The following CEP164 variants were observed in gnomAD, a reference collection of about 807,000 sequenced individuals.
CEP164 encodes the protein centrosomal protein of 164 kDa.
CEP164 carries 162 observed loss-of-function variants against 182.7 expected under a neutral mutation model. That is an observed-to-expected ratio of 0.89 (90% CI 0.78 to 1.01). CEP164 has a LOEUF of 1.01. CEP164 is among the 50% of genes least tolerant of loss of function. CEP164 has a pLI of 0.00. For synonymous variants in CEP164, 661 were observed against 690.0 expected (o/e 0.96, Z 0.66); for missense variants, 1,735 against 1,790.4 (o/e 0.97, Z 0.56).
At position 117,396,088 on chromosome 11, in the gene CEP164, C is replaced by G; in HGVS notation, c.3124C>G (p.Leu1042Val). The G allele has an allele frequency of 6.2e-7, 1 of 1,613,760 alleles. No homozygotes were observed. The highest frequency in any genetic ancestry group is 8.5e-7 in the Non-Finnish European group (1 of 1,179,762). The change falls in exon 25 of 33, where the codon CTG (leucine) becomes GTG (valine). Residue 1042 changes from leucine (L) to valine (V), a missense_variant. Leu to Val is a conservative substitution (Grantham distance 32). Coordinates refer to ENST00000278935, the MANE Select transcript of CEP164 (RefSeq NM_014956.5). ...LEAEAQKKQH[L>V]LREVTVEENN... ...GGCTGAAGCTCAAAAGAAGCAGCAC[C>G]TGTTGAGAGAAGTGACAGTTGAGGA...
At chr11:117,372,095 C>T (rs1457532008) in intron 9 of CEP164, among the ~76,000 whole-genome samples, 9 of 142,842 alleles carry the variant, frequency 6.3e-5, no homozygotes, top group Admixed American at 2.9e-4. Context: ...CCCACCTCAT[C>T]ATAGTTCAGG....
intron 3 of CEP164, among the ~76,000 whole-genome samples, chr11:117,342,484 CT>C (rs919790713): frequency 1.3e-5 from 2 of 148,254 alleles, no homozygotes; most frequent in Admixed American, 1.4e-4. Flanking sequence ...TGAGATAGCT[CT>C]TTTTTTTTTG....
chr11:117,381,977 G>T, intron 13 of CEP164, 109 bp downstream of exon 13: 1 of 850,052 alleles, frequency 1.2e-6, no homozygotes, highest in Non-Finnish European at 1.7e-6. Flanking sequence ...TTGGCTTGGG[G>T]AGGGAGTGGG....
At chr11:117,400,681 C>T (rs1416695388) in intron 27 of CEP164, among the ~76,000 whole-genome samples, 7 of 152,238 alleles carry the variant, frequency 4.6e-5, no homozygotes, top group African/African-American at 1.4e-4. Context: ...GTTTGTAGTT[C>T]CCCTTGAAGA....
chr11:117,326,379 T>C (rs2035448888), upstream of CEP164, among the ~76,000 whole-genome samples: 1 of 152,014 alleles, frequency 6.6e-6, no homozygotes, highest in African/African-American at 2.4e-5. Flanking sequence ...ACTACAGGCG[T>C]GTGCCACCAT....
intron 27 of CEP164, among the ~76,000 whole-genome samples, chr11:117,400,133 T>C (rs556766103): frequency 2.6e-5 from 4 of 152,374 alleles, no homozygotes; most frequent in Non-Finnish European, 5.9e-5. Context: ...TACATTTAAG[T>C]CTTTAATCCA....
rs538147155 is a variant in CEP164, at chr11:117,394,093, G to T, written c.2617-257G>T. On this transcript the variant is annotated intron_variant, in intron 20 of 32. Transcript: ENST00000278935. The surrounding 1 kb of genome is among the most constrained non-coding windows in gnomAD (Gnocchi z 4.0). ...TACAGAGGAAAAGTTGTATATGGTG[G>T]AGCCATAGGGAGAGCCAGAAAGGGA... Among the ~76,000 whole-genome samples, 8 of 152,230 alleles carry T rather than the reference G, an allele frequency of 5.3e-5. No individual in the cohort carries two copies. The highest frequency in any genetic ancestry group is 8.8e-5 in the Non-Finnish European group (6 of 68,040).
At chr11:117,334,488 A>G (rs529662265) in intron 1 of CEP164, among the ~76,000 whole-genome samples, 1 of 152,302 alleles carries the variant, frequency 6.6e-6, no homozygotes, top group African/African-American at 2.4e-5. Flanking sequence ...CCTGATCTTT[A>G]AGTAGTTAAA....
At chr11:117,366,543 T>C (rs2041656961) in intron 8 of CEP164, among the ~76,000 whole-genome samples, 1 of 152,168 alleles carries the variant, frequency 6.6e-6, no homozygotes, top group African/African-American at 2.4e-5. Context: ...GCAGACTTTA[T>C]GTGGCCATGT....
intron 7 of CEP164, 36 bp downstream of exon 7, chr11:117,362,574 T>C: frequency 6.3e-7 from 1 of 1,579,374 alleles, no homozygotes; most frequent in South Asian, 1.1e-5. Flanking sequence ...CTGGAAACCC[T>C]CTGTGCCATA....
At chr11:117,358,567 A>C (rs1026346771) in intron 5 of CEP164, among the ~76,000 whole-genome samples, 4 of 140,516 alleles carry the variant, frequency 2.8e-5, no homozygotes, top group African/African-American at 1.1e-4. Flanking sequence ...TTAAGAGACC[A>C]GAGTTTTGCT....
chr11:117,329,492 C>T (rs2035851235), intron 1 of CEP164, among the ~76,000 whole-genome samples: 1 of 152,208 alleles, frequency 6.6e-6, no homozygotes. Flanking sequence ...TGGATACTTA[C>T]ATATTCTGCT....
rs889926633 is a variant in CEP164 at position 117,394,077 on chromosome 11, A to T, written c.2617-273A>T. 6.6e-6 allele frequency among the ~76,000 whole-genome samples: 1 copy of T among 152,254 alleles called. No individual in the cohort carries two copies. Among genetic ancestry groups the T allele is most frequent in the East Asian group, 1.9e-4 (1 of 5,200 alleles). Reference sequence around the variant, plus strand: ...GTGACCTCTCATTCCTTACAGAGGAAAAGTTGTATATGGTGGAGCCATAGG... The same window carrying T: ...GTGACCTCTCATTCCTTACAGAGGATAAGTTGTATATGGTGGAGCCATAGG... On this transcript the variant is annotated intron_variant, in intron 20 of 32. Transcript: ENST00000278935. This position sits in a 1 kb window ranked among gnomAD's most constrained non-coding sequence, Gnocchi z 4.0.
intron 3 of CEP164, among the ~76,000 whole-genome samples, chr11:117,341,953 A>C (rs1350641409): frequency 6.7e-6 from 1 of 150,026 alleles, no homozygotes; most frequent in East Asian, 2.0e-4. Context: ...ATGGAGTTTC[A>C]CTCTTGTTGC....
At position 117,371,066 on chromosome 11, in the gene CEP164, C is replaced by T; in HGVS notation, c.766-14C>T. The T allele has an allele frequency of 6.4e-7, 1 of 1,554,536 alleles. No homozygotes were observed. ...CTTTTGTCTTCCTTTCTAACATGGT[C>T]TGTTGCTCCCTAGGAGTCTCTGAGA... On this transcript the variant is annotated splice_polypyrimidine_tract_variant and intron_variant, in intron 8 of 32. Coordinates refer to ENST00000278935, the MANE Select transcript of CEP164 (RefSeq NM_014956.5).
rs2047425562 is a variant in CEP164 at position 117,412,083 on chromosome 11, C to T, written c.4298C>T (p.Ser1433Leu). ...CACCTTGTGGCCAGACCTCTCTTCT[C>T]GTCAACACCCAAGCCAAAAGCTACT... Reference protein sequence around the residue: ...VKNDPRLPLFSSTPKPKATLS... With the variant: ...VKNDPRLPLFLSTPKPKATLS... The change falls in exon 33 of 33, where the codon TCG becomes TTG. Residue 1433 changes from serine to leucine, a missense_variant. Physicochemically the swap from Ser to Leu is moderately radical, Grantham distance 145. Coordinates refer to ENST00000278935, the MANE Select transcript of CEP164 (RefSeq NM_014956.5). 4 of 1,614,136 alleles carry T rather than the reference C, an allele frequency of 2.5e-6. No individual in the cohort carries two copies. Among genetic ancestry groups the T allele is most frequent in the Admixed American group, 3.3e-5 (2 of 60,028 alleles).
chr11:117,377,495 G>T (rs2042878009), intron 11 of CEP164, among the ~76,000 whole-genome samples: 1 of 152,186 alleles, frequency 6.6e-6, no homozygotes, highest in South Asian at 2.1e-4. Context: ...GCTTCCAGCT[G>T]TCTGCCATCT....
At chr11:117,327,220 GT>G (rs961602497), upstream of CEP164, among the ~76,000 whole-genome samples, 1 of 152,110 alleles carries the variant, frequency 6.6e-6, no homozygotes, top group African/African-American at 2.4e-5. Context: ...AGGAGAGCCA[GT>G]TTTTTTGCGG....
At chr11:117,356,240 A>G in intron 5 of CEP164, 3 of 1,098,500 alleles carry the variant, frequency 2.7e-6, no homozygotes, top group Non-Finnish European at 3.4e-6. Context: ...TGAGGACCAG[A>G]GGTTCTACCA....
Sources: allele counts gnomAD v4.1 joint callset (sites outside exome capture counted in the v4.1 genomes callset), GRCh38; gene constraint gnomAD v4.1.1; non-coding constraint Gnocchi (gnomAD v3.1); transcripts MANE v1.5; gene names NCBI Gene and HGNC (gene_info 2026-07-23, HGNC 2026-07-21).